Variants in TNFAIP8L1 observed in about 807,000 individuals in gnomAD.
TNFAIP8L1 encodes the protein tumor necrosis factor alpha-induced protein 8-like protein 1.
For missense variants in TNFAIP8L1, 225 were observed against 266.1 expected (o/e 0.85, Z 1.08); for synonymous variants, 127 against 125.6 (o/e 1.01, Z -0.08).
rs1485493879 is a variant in TNFAIP8L1, at chr19:4,641,378, C to G, written c.-4+1749C>G. On this transcript the variant is annotated intron_variant, in intron 1 of 1. Transcript: ENST00000327473. The surrounding 1 kb of genome is among the most constrained non-coding windows in gnomAD (Gnocchi z 4.6). Reference sequence around the variant, plus strand: ...ACGCTAAAAAATGACTCACACTTGCCCAGGTACAGCTCAGGTGTTACAGAC... The same window carrying G: ...ACGCTAAAAAATGACTCACACTTGCGCAGGTACAGCTCAGGTGTTACAGAC... 1.3e-5 allele frequency: 2 copies of G among 152,320 alleles called. No individual in the cohort carries two copies. The highest frequency in any genetic ancestry group is 1.9e-4 in the East Asian group (1 of 5,174). The allele number at this position is 152,320 out of a possible 1,614,324, so 9.4% of individuals were successfully genotyped here. A position where few individuals can be genotyped will look rare whatever the true frequency, so the allele number is the denominator to read the frequency against.
chr19:4,655,368 T>A lies in TNFAIP8L1; in HGVS notation c.*2938T>A, dbSNP rs1375444648. On this transcript the variant is annotated 3_prime_UTR_variant, in exon 2 of 2. Coordinates refer to ENST00000327473, the MANE Select transcript of TNFAIP8L1 (RefSeq NM_152362.3). ...TTATCTTAGGCCGAGAGACAGCTCT[T>A]CAAGAACGTACATGGATCCTGATTT... 1 of 152,256 alleles carries A rather than the reference T, an allele frequency of 6.6e-6. No individual in the cohort carries two copies. Among genetic ancestry groups the A allele is most frequent in the Non-Finnish European group, 1.5e-5 (1 of 68,064 alleles). 9.4% of individuals were successfully genotyped at this position (152,256 alleles called of 1,614,324 possible). A position where few individuals can be genotyped will look rare whatever the true frequency, so the allele number is the denominator to read the frequency against.
chr19:4,648,521 C>T (rs978699550), intron 1 of TNFAIP8L1, among the ~76,000 whole-genome samples: 5 of 152,178 alleles, frequency 3.3e-5, no homozygotes, highest in Non-Finnish European at 2.9e-5. Context: ...GGGGCTGCCC[C>T]GGCCGTCTTA....
In TNFAIP8L1 at chr19:4,654,878, G is replaced by A. The variant is rs563414299; in HGVS notation, c.*2448G>A. The A allele has an allele frequency of 6.6e-6, 1 of 152,204 alleles. No individual in the cohort carries two copies. Among genetic ancestry groups the A allele is most frequent in the Non-Finnish European group, 1.5e-5 (1 of 68,044 alleles). 9.4% of individuals were successfully genotyped at this position (152,204 alleles called of 1,614,324 possible). A position where few individuals can be genotyped will look rare whatever the true frequency, so the allele number is the denominator to read the frequency against. ...CAGGAAGGTTATTTTGGGTGCCTGT[G>A]GGGGAGGTGAAACAAGGTCCCATGA... On this transcript the variant is annotated 3_prime_UTR_variant, in exon 2 of 2. Transcript: ENST00000327473.
At position 4,652,172 on chromosome 19, in the gene TNFAIP8L1, C is replaced by A. The variant is rs566967802; in HGVS notation, c.303C>A (p.Ala101=). The A allele has an allele frequency of 2.6e-6, 4 of 1,550,778 alleles. No homozygotes were observed. The highest frequency in any genetic ancestry group is 2.4e-5 in the South Asian group (2 of 85,064). Residue 101 remains alanine (A), a synonymous_variant, in exon 2 of 2, where the codon GCC becomes GCA. Coordinates refer to ENST00000327473, the MANE Select transcript of TNFAIP8L1 (RefSeq NM_152362.3). ...GGGCGCGCTGCCTGGCCATGACGGC[C>A]GTCAGCTTCCACCAGGTGGACTTCA... ...RHRARCLAMT[A]VSFHQVDFTF...
In TNFAIP8L1 at chr19:4,645,087, A is replaced by G. The variant is rs1429315598; in HGVS notation, c.-4+5458A>G. ...GTGCACCTGCAGAGCAGATCCATCA[A>G]TTATTGACACTCTGTGAGGTGCATG... On this transcript the variant is annotated intron_variant, in intron 1 of 1. Coordinates refer to ENST00000327473, the MANE Select transcript of TNFAIP8L1 (RefSeq NM_152362.3). This position sits in a 1 kb window ranked among gnomAD's most constrained non-coding sequence, Gnocchi z 4.1. 1.3e-5 allele frequency among the ~76,000 whole-genome samples: 2 copies of G among 152,200 alleles called. No homozygotes were observed. The highest frequency in any genetic ancestry group is 2.9e-5 in the Non-Finnish European group (2 of 68,032).
chr19:4,644,605 A>ATTTTT lies in TNFAIP8L1; in HGVS notation c.-4+4997_-4+5001dup, dbSNP rs553560316. Among the ~76,000 whole-genome samples the ATTTTT allele has an allele frequency of 5.2e-3, 459 of 88,734 alleles. 35 individuals are homozygous for ATTTTT. The highest frequency in any genetic ancestry group is 0.017 in the African/African-American group (356 of 20,770). 58.2% of individuals were successfully genotyped at this position (88,734 alleles called of 152,430 possible). A position where few individuals can be genotyped will look rare whatever the true frequency, so the allele number is the denominator to read the frequency against. On this transcript the variant is annotated intron_variant, in intron 1 of 1. Transcript: ENST00000327473. ...CCGGCTTGCAAGTCCTGAGTCATGG[A>ATTTTT]TTTTTTTTTTTTTTTTTTTTTTTTT...
chr19:4,653,765 G>C lies in TNFAIP8L1; in HGVS notation c.*1335G>C. The stretch of plus-strand genomic sequence containing the variant: ...TCAGCCTGGTGACAGAGCGAGACTC[G>C]TCTCAAAAAAAAAAAAAAAAAAAAA... On this transcript the variant is annotated 3_prime_UTR_variant, in exon 2 of 2. Coordinates refer to ENST00000327473, the MANE Select transcript of TNFAIP8L1 (RefSeq NM_152362.3). 1 of 74,106 alleles carries C rather than the reference G, an allele frequency of 1.3e-5. No homozygotes were observed. The highest frequency in any genetic ancestry group is 6.2e-4 in the South Asian group (1 of 1,616). The allele number at this position is 74,106 out of a possible 1,614,324, so 4.6% of individuals were successfully genotyped here.
In TNFAIP8L1 at chr19:4,645,470, G is replaced by C. The variant is rs2088301754; in HGVS notation, c.-4+5841G>C. Among the ~76,000 whole-genome samples, 4 of 152,092 alleles carry C rather than the reference G, an allele frequency of 2.6e-5. No individual in the cohort carries two copies. The highest frequency in any genetic ancestry group is 2.6e-4 in the Admixed American group (4 of 15,262). On this transcript the variant is annotated intron_variant, in intron 1 of 1. Coordinates refer to ENST00000327473, the MANE Select transcript of TNFAIP8L1 (RefSeq NM_152362.3). The surrounding 1 kb of genome is among the most constrained non-coding windows in gnomAD (Gnocchi z 4.1). The stretch of plus-strand genomic sequence containing the variant: ...ATGCACCTGTAGTCCTAGCTACTTG[G>C]GAGGCTGAGGCTGAGGCAGGAGAAT...
intron 1 of TNFAIP8L1, among the ~76,000 whole-genome samples, chr19:4,644,883 G>A (rs1243966480): frequency 3.9e-5 from 6 of 152,124 alleles, no homozygotes; most frequent in Non-Finnish European, 8.8e-5. Context: ...TTACAGGCAT[G>A]AGCCACCACG....
At chr19:4,647,409 A>G (rs992756202) in intron 1 of TNFAIP8L1, among the ~76,000 whole-genome samples, 3 of 151,852 alleles carry the variant, frequency 2.0e-5, no homozygotes, top group South Asian at 2.1e-4. Flanking sequence ...CCCGGGTTCA[A>G]ATGATCCTCC....
intron 1 of TNFAIP8L1, among the ~76,000 whole-genome samples, chr19:4,650,055 C>T (rs530435827): frequency 9.9e-5 from 15 of 152,158 alleles, no homozygotes; most frequent in South Asian, 6.2e-4. Context: ...CTCCCTCCTC[C>T]GCCAGTTCTT....
Position 4,645,140 on chromosome 19 carries a change from G to A in TNFAIP8L1, c.-4+5511G>A, listed in dbSNP as rs1358985186. 6.6e-6 allele frequency among the ~76,000 whole-genome samples: 1 copy of A among 152,290 alleles called. No individual in the cohort carries two copies. Among genetic ancestry groups the A allele is most frequent in the Non-Finnish European group, 1.5e-5 (1 of 68,028 alleles). ...GAATTCATGGGACAGGGGTGGGGAC[G>A]GCAGGGACTTGTGACATAATTGCAG... On this transcript the variant is annotated intron_variant, in intron 1 of 1. Coordinates refer to ENST00000327473, the MANE Select transcript of TNFAIP8L1 (RefSeq NM_152362.3). The surrounding 1 kb of genome is among the most constrained non-coding windows in gnomAD (Gnocchi z 4.1).
intron 1 of TNFAIP8L1, among the ~76,000 whole-genome samples, chr19:4,651,290 G>T (rs1187242812): frequency 6.6e-6 from 1 of 151,856 alleles, no homozygotes; most frequent in East Asian, 1.9e-4. Context: ...GGGTTCAGAA[G>T]GGCCTTCTCT....
In TNFAIP8L1 at chr19:4,651,910, A is replaced by G; in HGVS notation, c.41A>G (p.Gln14Arg). The change falls in exon 2 of 2, where the codon CAG becomes CGG. Residue 14 changes from glutamine (Q) to arginine (R), a missense_variant. Transcript: ENST00000327473. Reference sequence around the variant, plus strand: ...ACCAAGAGCCTGGCTCTGCAGGCGCAGAAGAAGCTCCTGAGTAAGATGGCG... The same window carrying G: ...ACCAAGAGCCTGGCTCTGCAGGCGCGGAAGAAGCTCCTGAGTAAGATGGCG... ...FSTKSLALQA[Q>R]KKLLSKMASK... 6.2e-7 allele frequency: 1 copy of G among 1,611,996 alleles called. No individual in the cohort carries two copies. Among genetic ancestry groups the G allele is most frequent in the Non-Finnish European group, 8.5e-7 (1 of 1,178,306 alleles).
chr19:4,646,824 G>A (rs1004009689), intron 1 of TNFAIP8L1, among the ~76,000 whole-genome samples: 1 of 152,130 alleles, frequency 6.6e-6, no homozygotes, highest in Admixed American at 6.6e-5. Flanking sequence ...TAGAGACGGG[G>A]TTTCACCGTG....
chr19:4,651,799 T>G (rs2145173694), intron 1 of TNFAIP8L1, 68 bp from the exon 2 acceptor site: 3 of 1,493,306 alleles, frequency 2.0e-6, no homozygotes, highest in South Asian at 2.6e-5. Context: ...GTCTGTGGTG[T>G]TGTCACCTCT....
At position 4,641,177 on chromosome 19, in the gene TNFAIP8L1, C is replaced by G. The variant is rs2088257958; in HGVS notation, c.-4+1548C>G. On this transcript the variant is annotated intron_variant, in intron 1 of 1. Coordinates refer to ENST00000327473, the MANE Select transcript of TNFAIP8L1 (RefSeq NM_152362.3). The surrounding 1 kb of genome is among the most constrained non-coding windows in gnomAD (Gnocchi z 4.6). Reference sequence around the variant, plus strand: ...CCCCAGAGCCTCAGTTTCCTCATCCCCGTTCCCCCAGGGGTCAGCCCAGGT... The same window carrying G: ...CCCCAGAGCCTCAGTTTCCTCATCCGCGTTCCCCCAGGGGTCAGCCCAGGT... 6.6e-6 allele frequency: 1 copy of G among 152,598 alleles called. No homozygotes were observed. The highest frequency in any genetic ancestry group is 1.5e-5 in the Non-Finnish European group (1 of 68,266). 9.5% of individuals were successfully genotyped at this position (152,598 alleles called of 1,614,324 possible). A position where few individuals can be genotyped will look rare whatever the true frequency, so the allele number is the denominator to read the frequency against.
At chr19:4,651,568 C>T (rs930323404) in intron 1 of TNFAIP8L1, among the ~76,000 whole-genome samples, 2 of 151,850 alleles carry the variant, frequency 1.3e-5, no homozygotes, top group East Asian at 1.9e-4. Flanking sequence ...TCCCAAGTAG[C>T]GGGGATTGCG....
At position 4,652,504 on chromosome 19, in the gene TNFAIP8L1, T is replaced by C; in HGVS notation, c.*74T>C. On this transcript the variant is annotated 3_prime_UTR_variant, in exon 2 of 2. Coordinates refer to ENST00000327473, the MANE Select transcript of TNFAIP8L1 (RefSeq NM_152362.3). ...GCTGGGCGCGGGTGGGGTTTGTGGG[T>C]TTTTTTCCACCTCTTTTCTCCCAAT... 1.4e-6 allele frequency: 2 copies of C among 1,383,856 alleles called. No individual in the cohort carries two copies. Among genetic ancestry groups the C allele is most frequent in the South Asian group, 3.0e-5 (2 of 66,016 alleles). The allele number at this position is 1,383,856 out of a possible 1,614,324, so 85.7% of individuals were successfully genotyped here.
Sources: gnomAD v4.1 joint callset for allele counts (sites outside exome capture counted in the v4.1 genomes callset) on GRCh38, gnomAD v4.1.1 for gene constraint, Gnocchi (gnomAD v3.1) non-coding constraint, MANE v1.5 for transcripts, NCBI Gene and HGNC (gene_info 2026-07-23, HGNC 2026-07-21) for gene names.